BRINP2: variants seen among roughly 807,000 people sequenced by gnomAD.
BRINP2 encodes BMP/retinoic acid-inducible neural-specific protein 2.
Under a neutral mutation model 69.2 loss-of-function variants are expected in BRINP2, and 21 were observed. That is an observed-to-expected ratio of 0.30 (90% CI 0.22 to 0.44). The LOEUF (loss-of-function observed/expected upper bound fraction) is 0.44, where lower values mean the gene tolerates loss of function less well. Among genes scored for constraint, BRINP2 ranks in the 20% least tolerant of loss-of-function variants. BRINP2 has a pLI of 1.00. For synonymous variants in BRINP2, 380 were observed against 394.1 expected, an observed-to-expected ratio of 0.96 and a Z score of 0.42; for missense variants, 877 against 986.0, an observed-to-expected ratio of 0.89 and a Z score of 1.48.
chr1:177,242,178 C>T (rs1274211197), intron 2 of BRINP2, among the ~76,000 whole-genome samples: 3 of 152,136 alleles, frequency 2.0e-5, no homozygotes, highest in South Asian at 4.1e-4. Context: ...CTTTCAAATC[C>T]AGCCTCTTTT....
At chr1:177,270,607 T>A (rs1651288072) in intron 4 of BRINP2, among the ~76,000 whole-genome samples, 1 of 152,022 alleles carries the variant, frequency 6.6e-6, no homozygotes, top group Non-Finnish European at 1.5e-5. Flanking sequence ...CCTCTTTGGG[T>A]CACATCTTAT....
At position 177,270,040 on chromosome 1, in the gene BRINP2, C is replaced by T. The variant is rs555968387; in HGVS notation, c.670-3448C>T. 1.6e-4 allele frequency among the ~76,000 whole-genome samples: 23 copies of T among 142,512 alleles called. No homozygotes were observed. The South Asian group carries it at 5.1e-3, about 32-fold the overall frequency. 93.5% of individuals were successfully genotyped at this position (142,512 alleles called of 152,430 possible). On this transcript the variant is annotated intron_variant, in intron 4 of 7. Transcript: ENST00000361539. ...AAAGTGCAGGATTCTCTTGAACAACCCTCCAGAGATGCTGAGGTTTTCCTC... is the reference window on the plus strand; with the variant it reads ...AAAGTGCAGGATTCTCTTGAACAACTCTCCAGAGATGCTGAGGTTTTCCTC...
At position 177,254,378 on chromosome 1, in the gene BRINP2, G is replaced by GCACACACACACA. The variant is rs71565492; in HGVS notation, c.270-1521_270-1510dup. Among the ~76,000 whole-genome samples the GCACACACACACA allele has an allele frequency of 5.1e-3, 730 of 144,002 alleles. 3 individuals are homozygous for GCACACACACACA. Among genetic ancestry groups the GCACACACACACA allele is most frequent in the African/African-American group, 0.017 (677 of 39,486 alleles). 94.5% of individuals were successfully genotyped at this position (144,002 alleles called of 152,430 possible). On this transcript the variant is annotated intron_variant, in intron 2 of 7. Transcript: ENST00000361539. ...TGCACCTAAACACATAAGCACACATGCACACACACACACACACACACACAC... is the reference window on the plus strand; with the variant it reads ...TGCACCTAAACACATAAGCACACATGCACACACACACACACACACACACACACACACACACAC...
In BRINP2 at chr1:177,281,559, G is replaced by C. The variant is rs1263349178; in HGVS notation, c.*31G>C. ...GGCCCACTTCAGCACTGGGCAAGGA[G>C]GGGATCCATGAATCTGGGGTACAAA... On this transcript the variant is annotated 3_prime_UTR_variant, in exon 8 of 8. Coordinates refer to ENST00000361539, the MANE Select transcript of BRINP2 (RefSeq NM_021165.4). The C allele has an allele frequency of 6.4e-7, 1 of 1,551,308 alleles. No individual in the cohort carries two copies. The highest frequency in any genetic ancestry group is 8.6e-7 in the Non-Finnish European group (1 of 1,156,772).
intron 2 of BRINP2, among the ~76,000 whole-genome samples, chr1:177,235,673 A>G (rs1351506612): frequency 6.6e-6 from 1 of 152,168 alleles, no homozygotes; most frequent in Non-Finnish European, 1.5e-5. Flanking sequence ...ACCCTGGGAG[A>G]GGCACCATCT....
chr1:177,197,857 A>C (rs1648791332), intron 1 of BRINP2, among the ~76,000 whole-genome samples: 1 of 152,180 alleles, frequency 6.6e-6, no homozygotes, highest in Non-Finnish European at 1.5e-5. Context: ...ACAAGAATGA[A>C]AGTTAGAGAG....
At chr1:177,175,983 T>A (rs1251825596) in intron 1 of BRINP2, among the ~76,000 whole-genome samples, 1 of 152,220 alleles carries the variant, frequency 6.6e-6, no homozygotes, top group Non-Finnish European at 1.5e-5. Context: ...ACAGCCGAGT[T>A]ATGCTTCAAA....
intron 4 of BRINP2, among the ~76,000 whole-genome samples, chr1:177,270,747 G>A (rs1476178727): frequency 6.6e-6 from 1 of 152,150 alleles, no homozygotes; most frequent in African/African-American, 2.4e-5. Context: ...CCTGTAGGCA[G>A]GGACAGGCAA....
At chr1:177,195,946 C>T (rs910656398) in intron 1 of BRINP2, among the ~76,000 whole-genome samples, 1 of 152,114 alleles carries the variant, frequency 6.6e-6, no homozygotes, top group Non-Finnish European at 1.5e-5. Flanking sequence ...GGGCTGTTGC[C>T]TCAAAGCATT....
intron 1 of BRINP2, among the ~76,000 whole-genome samples, chr1:177,210,852 AACTC>A (rs1232175111): frequency 6.6e-6 from 1 of 151,752 alleles, no homozygotes; most frequent in Non-Finnish European, 1.5e-5. Context: ...TGAAAAAAAA[AACTC>A]AGTCATAATT....
At chr1:177,266,682 C>A (rs1651135643) in intron 4 of BRINP2, among the ~76,000 whole-genome samples, 1 of 146,624 alleles carries the variant, frequency 6.8e-6, no homozygotes, top group Non-Finnish European at 1.5e-5. Context: ...ATGGCATGAA[C>A]TGGCGAGGTG....
chr1:177,250,520 T>G (rs912717147), intron 2 of BRINP2, among the ~76,000 whole-genome samples: 18 of 152,148 alleles, frequency 1.2e-4, no homozygotes, highest in African/African-American at 4.3e-4. Flanking sequence ...AGAGAACAGG[T>G]TTCACCATCT....
chr1:177,238,699 G>C (rs1441338400), intron 2 of BRINP2, among the ~76,000 whole-genome samples: 1 of 152,144 alleles, frequency 6.6e-6, no homozygotes, highest in Non-Finnish European at 1.5e-5. Context: ...GAAGAAAAGA[G>C]TAAAGTGACA....
At chr1:177,278,052 G>T (rs1651559771) in intron 6 of BRINP2, among the ~76,000 whole-genome samples, 1 of 152,172 alleles carries the variant, frequency 6.6e-6, no homozygotes, top group African/African-American at 2.4e-5. Flanking sequence ...GGGAGAGGCT[G>T]GTCTCAGGGA....
rs143856123 is a variant in BRINP2, at chr1:177,199,563, G to A, written c.-77+27831G>A. ...TTTCCTTTGTATTCAAGAGGAGTCC[G>A]TCAGGCTACAGCTGAAGTCCTTTCT... On this transcript the variant is annotated intron_variant, in intron 1 of 7. Transcript: ENST00000361539. Among the ~76,000 whole-genome samples the A allele has an allele frequency of 2.0e-3, 306 of 152,268 alleles. 3 individuals carry two copies. Among genetic ancestry groups the A allele is most frequent in the African/African-American group, 6.6e-3 (274 of 41,562 alleles).
chr1:177,263,498 G>A (rs1651023909), intron 4 of BRINP2, among the ~76,000 whole-genome samples: 1 of 152,158 alleles, frequency 6.6e-6, no homozygotes, highest in African/African-American at 2.4e-5. Context: ...TGAGGGGTGG[G>A]AAATGAGATG....
intron 1 of BRINP2, among the ~76,000 whole-genome samples, chr1:177,179,114 C>T (rs945482404): frequency 2.6e-5 from 4 of 151,852 alleles, no homozygotes; most frequent in Non-Finnish European, 5.9e-5. Flanking sequence ...GTTTAGACCC[C>T]GAGTCCACAT....
chr1:177,228,763 G>A (rs993761856), intron 1 of BRINP2, among the ~76,000 whole-genome samples: 13 of 152,178 alleles, frequency 8.5e-5, no homozygotes, highest in African/African-American at 2.7e-4. Context: ...AGTACTGAAC[G>A]GTCCTGTGCA....
intron 2 of BRINP2, among the ~76,000 whole-genome samples, chr1:177,237,769 C>G (rs1159940053): frequency 6.6e-6 from 1 of 152,086 alleles, no homozygotes; most frequent in Non-Finnish European, 1.5e-5. Context: ...GAATGAATTG[C>G]TTCTTAGAGA....
Sources: gnomAD v4.1 joint callset for allele counts (sites outside exome capture counted in the v4.1 genomes callset) on GRCh38, gnomAD v4.1.1 for gene constraint, MANE v1.5 for transcripts, NCBI Gene and HGNC (gene_info 2026-07-23, HGNC 2026-07-21) for gene names.